The following DLG2 variants were observed in gnomAD, a reference collection of about 807,000 sequenced individuals.
The protein encoded by DLG2 is discs large MAGUK scaffold protein 2.
In DLG2, 45 loss-of-function variants were observed where a neutral mutation model predicts 132.5. That is an observed-to-expected ratio of 0.34 (90% CI 0.27 to 0.44). The LOEUF is 0.44. Among genes scored for constraint, DLG2 ranks in the 20% least tolerant of loss-of-function variants. The pLI is 1.00. For synonymous variants in DLG2, 424 were observed against 419.6 expected, an observed-to-expected ratio of 1.01 and a Z score of -0.13; for missense variants, 1,045 against 1,196.9, an observed-to-expected ratio of 0.87 and a Z score of 1.87.
chr11:85,473,704 AAGGTATATTCCCTAG>A (rs1439014647), intron 3 of DLG2, among the ~76,000 whole-genome samples: 3 of 152,094 alleles, frequency 2.0e-5, no homozygotes, highest in African/African-American at 7.2e-5. Context: ...GTTCAGAAAC[AAGGTATATTCCCTAG>A]AGGTAGACTT....
At chr11:85,035,376 G>A (rs117590821) in intron 6 of DLG2, among the ~76,000 whole-genome samples, 2,986 of 152,276 alleles carry the variant, frequency 0.02, 53 homozygotes, top group Admixed American at 0.042. Context: ...AACAAAAGAG[G>A]TTTAATTGAT....
At chr11:85,198,995 G>GTACTGCC (rs2081258754) in intron 4 of DLG2, among the ~76,000 whole-genome samples, 1 of 152,140 alleles carries the variant, frequency 6.6e-6, no homozygotes, top group Non-Finnish European at 1.5e-5. Flanking sequence ...ATACTTTGGA[G>GTACTGCC]AACTAGTTGG....
chr11:84,044,098 G>A (rs1287952295), intron 11 of DLG2, among the ~76,000 whole-genome samples: 1 of 151,616 alleles, frequency 6.6e-6, no homozygotes, highest in Non-Finnish European at 1.5e-5. Flanking sequence ...GAGCTCTGGA[G>A]CCAGACACCA....
chr11:84,615,243 A>T (rs1481024865), intron 6 of DLG2, among the ~76,000 whole-genome samples: 4 of 152,128 alleles, frequency 2.6e-5, no homozygotes, highest in African/African-American at 9.7e-5. Context: ...GCCACATTAA[A>T]CATGACATAA....
chr11:84,251,568 G>A (rs1299775117), intron 7 of DLG2, among the ~76,000 whole-genome samples: 1 of 151,698 alleles, frequency 6.6e-6, no homozygotes, highest in African/African-American at 2.4e-5. Flanking sequence ...TGCAGGAGGT[G>A]AGGATTTCTG....
chr11:84,259,733 T>A (rs1445841838), intron 7 of DLG2, among the ~76,000 whole-genome samples: 1 of 152,158 alleles, frequency 6.6e-6, no homozygotes, highest in Non-Finnish European at 1.5e-5. Flanking sequence ...GAAATCAATT[T>A]GACTCTGCTT....
intron 6 of DLG2, among the ~76,000 whole-genome samples, chr11:84,641,198 CAT>C (rs2099662807): frequency 6.6e-6 from 1 of 152,114 alleles, no homozygotes; most frequent in Non-Finnish European, 1.5e-5. Context: ...CACACAGCTG[CAT>C]ATCCTTCAGC....
At chr11:84,501,644 A>G (rs1215644508) in intron 7 of DLG2, among the ~76,000 whole-genome samples, 1 of 152,232 alleles carries the variant, frequency 6.6e-6, no homozygotes, top group East Asian at 1.9e-4. Context: ...AGATTTTGTG[A>G]GAAACAGTCA....
intron 6 of DLG2, among the ~76,000 whole-genome samples, chr11:84,911,276 T>C (rs913625490): frequency 6.6e-6 from 1 of 152,010 alleles, no homozygotes; most frequent in Non-Finnish European, 1.5e-5. Flanking sequence ...TTCAAAAGCC[T>C]ACATGTTGCT....
chr11:84,543,002 C>T (rs2099380981), intron 6 of DLG2, among the ~76,000 whole-genome samples: 1 of 152,148 alleles, frequency 6.6e-6, no homozygotes, highest in African/African-American at 2.4e-5. Context: ...TGACCTGTGT[C>T]TCATCACTTT....
chr11:85,313,286 G>A (rs911231176), intron 3 of DLG2, among the ~76,000 whole-genome samples: 10 of 151,900 alleles, frequency 6.6e-5, no homozygotes, highest in Non-Finnish European at 1.0e-4. Flanking sequence ...GTCATAAGAT[G>A]AAAAACATTA....
chr11:85,276,536 T>C (rs540166815), intron 4 of DLG2, among the ~76,000 whole-genome samples: 1 of 152,234 alleles, frequency 6.6e-6, no homozygotes, highest in Admixed American at 6.5e-5. Context: ...TATGACATCA[T>C]TTTAGCCCAT....
intron 6 of DLG2, among the ~76,000 whole-genome samples, chr11:84,845,212 G>A (rs1399266531): frequency 6.6e-6 from 1 of 152,054 alleles, no homozygotes. Flanking sequence ...TTGAAATTTG[G>A]TTATCCAATT....
chr11:83,995,605 T>G (rs576227506), intron 11 of DLG2, among the ~76,000 whole-genome samples: 1 of 152,156 alleles, frequency 6.6e-6, no homozygotes, highest in East Asian at 1.9e-4. Flanking sequence ...CAAAACAGTA[T>G]GATACTGGCA....
chr11:85,272,788 A>G (rs1038602545), intron 4 of DLG2, among the ~76,000 whole-genome samples: 17 of 152,348 alleles, frequency 1.1e-4, no homozygotes, highest in African/African-American at 3.8e-4. Flanking sequence ...AAGAGCCCGC[A>G]TCACCAAGAC....
chr11:84,470,573 G>A (rs536639931), intron 7 of DLG2, among the ~76,000 whole-genome samples: 6 of 151,826 alleles, frequency 4.0e-5, no homozygotes, highest in African/African-American at 1.4e-4. Flanking sequence ...AAGTTGGAAA[G>A]CAAGAAATCA....
chr11:84,579,106 A>T (rs2099510340), intron 6 of DLG2, among the ~76,000 whole-genome samples: 2 of 152,010 alleles, frequency 1.3e-5, no homozygotes, highest in East Asian at 3.9e-4. Context: ...TATAAGTCCA[A>T]TTAAACCTCT....
At chr11:84,495,265 G>A (rs569290057) in intron 7 of DLG2, among the ~76,000 whole-genome samples, 1 of 152,178 alleles carries the variant, frequency 6.6e-6, no homozygotes, top group African/African-American at 2.4e-5. Context: ...GGGTTCCTGT[G>A]CCTAGATATT....
intron 6 of DLG2, among the ~76,000 whole-genome samples, chr11:85,053,772 G>C (rs1219324398): frequency 7.0e-6 from 1 of 143,782 alleles, no homozygotes; most frequent in Non-Finnish European, 1.5e-5. Flanking sequence ...ACTCCAGCCT[G>C]GGCGACAGAG....
Sources: allele counts gnomAD v4.1 joint callset (sites outside exome capture counted in the v4.1 genomes callset), GRCh38; gene constraint gnomAD v4.1.1; transcripts MANE v1.5; gene names NCBI Gene and HGNC (gene_info 2026-07-23, HGNC 2026-07-21).